The following IPCEF1 variants were observed in gnomAD, a reference collection of about 807,000 sequenced individuals.
IPCEF1 encodes the protein interaction protein for cytohesin exchange factors 1.
In IPCEF1, 31 loss-of-function variants were observed where a neutral mutation model predicts 50.9. That is an observed-to-expected ratio of 0.61 (90% CI 0.46 to 0.82). The LOEUF is 0.82. Among genes scored for constraint, IPCEF1 ranks in the 40% least tolerant of loss-of-function variants. The pLI is 0.00. For synonymous variants in IPCEF1, 181 were observed against 192.0 expected (o/e 0.94, Z 0.47); for missense variants, 458 against 514.0 (o/e 0.89, Z 1.05).
intron 2 of IPCEF1, among the ~76,000 whole-genome samples, chr6:154,278,379 G>A (rs751171942): frequency 1.9e-4 from 29 of 152,178 alleles, no homozygotes; most frequent in African/African-American, 6.5e-4. Flanking sequence ...AGAATGAGAC[G>A]CCAAGTAGAG....
At chr6:154,215,142 C>T (rs902863141) in intron 7 of IPCEF1, among the ~76,000 whole-genome samples, 8 of 152,128 alleles carry the variant, frequency 5.3e-5, no homozygotes, top group Non-Finnish European at 1.2e-4. Context: ...TGATGTCTTC[C>T]AGTCTCCCAT....
At chr6:154,220,621 AAC>A (rs1778789275) in intron 7 of IPCEF1, among the ~76,000 whole-genome samples, 1 of 152,148 alleles carries the variant, frequency 6.6e-6, no homozygotes, top group Admixed American at 6.5e-5. Flanking sequence ...CAGCCTGGGC[AAC>A]AGAACAAGAC....
intron 1 of IPCEF1, among the ~76,000 whole-genome samples, chr6:154,300,468 G>T (rs1366301964): frequency 6.6e-6 from 1 of 152,128 alleles, no homozygotes; most frequent in Non-Finnish European, 1.5e-5. Context: ...GTAAAAATTA[G>T]CCAGGCATGG....
intron 9 of IPCEF1, among the ~76,000 whole-genome samples, chr6:154,205,059 T>C (rs1777380125): frequency 6.6e-6 from 1 of 152,194 alleles, no homozygotes; most frequent in Non-Finnish European, 1.5e-5. Context: ...ATATCACTTC[T>C]TCCACAGGGT....
At chr6:154,233,130 A>C (rs555601001) in intron 5 of IPCEF1, among the ~76,000 whole-genome samples, 2 of 152,176 alleles carry the variant, frequency 1.3e-5, no homozygotes, top group East Asian at 3.9e-4. Flanking sequence ...CGCCACGCCC[A>C]GCTAATTTTT....
At chr6:154,175,240 C>T (rs1390279834) in intron 10 of IPCEF1, among the ~76,000 whole-genome samples, 1 of 152,036 alleles carries the variant, frequency 6.6e-6, no homozygotes, top group African/African-American at 2.4e-5. Flanking sequence ...AAAATTGACA[C>T]CCTAACATCA....
intron 10 of IPCEF1, among the ~76,000 whole-genome samples, chr6:154,191,842 G>A (rs1477395590): frequency 6.6e-6 from 1 of 152,074 alleles, no homozygotes; most frequent in Non-Finnish European, 1.5e-5. Flanking sequence ...GGAATGGAGG[G>A]GGTATATGTA....
At chr6:154,301,342 G>C (rs11758631) in intron 1 of IPCEF1, among the ~76,000 whole-genome samples, 6,576 of 152,234 alleles carry the variant, frequency 0.043, 159 homozygotes, top group Middle Eastern at 0.12. Context: ...AGAGGTTTGT[G>C]ATGTTCCCAA....
At chr6:154,285,225 TG>T (rs1782331823) in intron 2 of IPCEF1, among the ~76,000 whole-genome samples, 1 of 152,234 alleles carries the variant, frequency 6.6e-6, no homozygotes, top group Admixed American at 6.5e-5. Flanking sequence ...GGAAAGACAT[TG>T]GTATCTCTAC....
At chr6:154,256,370 G>A (rs1781461184) in intron 3 of IPCEF1, among the ~76,000 whole-genome samples, 1 of 152,140 alleles carries the variant, frequency 6.6e-6, no homozygotes, top group South Asian at 2.1e-4. Flanking sequence ...TTGGGGATTA[G>A]GGGTTCTATG....
intron 6 of IPCEF1, among the ~76,000 whole-genome samples, chr6:154,222,687 T>C (rs1778961420): frequency 6.6e-6 from 1 of 152,180 alleles, no homozygotes; most frequent in Non-Finnish European, 1.5e-5. Flanking sequence ...CTCAAATCTT[T>C]TGGATTTCAA....
At chr6:154,336,827 C>T (rs374903524) in intron 1 of IPCEF1, among the ~76,000 whole-genome samples, 24 of 152,262 alleles carry the variant, frequency 1.6e-4, no homozygotes, top group African/African-American at 5.5e-4. Context: ...TGGTCTTGAT[C>T]TCCTGGGCTC....
intron 1 of IPCEF1, among the ~76,000 whole-genome samples, chr6:154,308,407 T>A (rs57587915): frequency 0.071 from 10,744 of 152,278 alleles, 555 homozygotes; most frequent in African/African-American, 0.14. Flanking sequence ...GATTACAGGC[T>A]TGAGCCACCA....
chr6:154,346,908 T>A (rs1376531839), intron 1 of IPCEF1, among the ~76,000 whole-genome samples: 1 of 152,162 alleles, frequency 6.6e-6, no homozygotes, highest in Non-Finnish European at 1.5e-5. Flanking sequence ...TCCAAGCATA[T>A]CCTCTCAAAA....
chr6:154,259,491 A>G (rs1373130035), intron 3 of IPCEF1, among the ~76,000 whole-genome samples: 2 of 152,098 alleles, frequency 1.3e-5, no homozygotes, highest in African/African-American at 4.8e-5. Flanking sequence ...TGTCTCTACT[A>G]AAAATACAAA....
At chr6:154,223,891 A>C (rs992739929) in intron 5 of IPCEF1, among the ~76,000 whole-genome samples, 4 of 152,268 alleles carry the variant, frequency 2.6e-5, no homozygotes, top group Admixed American at 2.6e-4. Flanking sequence ...CTTTCTACAA[A>C]GAAAAGACTG....
At chr6:154,330,237 C>T (rs1783624828) in intron 1 of IPCEF1, among the ~76,000 whole-genome samples, 1 of 151,518 alleles carries the variant, frequency 6.6e-6, no homozygotes, top group African/African-American at 2.4e-5. Flanking sequence ...CAATTCAGTA[C>T]ACTCCCCTGA....
rs7763593 is a variant in IPCEF1, at chr6:154,201,642, C to A, written c.538-1602G>T. ...AGGCGCGGTGGCTCATGCCTGTAAT[C>A]CCAGCACTTTGGGAGGCCGAGGTGG... On this transcript the variant is annotated intron_variant, in intron 9 of 11. Transcript: ENST00000367220. 4.8e-3 allele frequency among the ~76,000 whole-genome samples: 734 copies of A among 152,308 alleles called. 2 individuals are homozygous for A. The highest frequency in any genetic ancestry group is 0.017 in the African/African-American group (695 of 41,562).
At chr6:154,179,314 T>C (rs1800634024) in intron 10 of IPCEF1, among the ~76,000 whole-genome samples, 1 of 152,236 alleles carries the variant, frequency 6.6e-6, no homozygotes, top group Non-Finnish European at 1.5e-5. Flanking sequence ...GGCTTTTCAG[T>C]AAAGCAGTAT....
Sources: gnomAD v4.1 joint callset for allele counts (sites outside exome capture counted in the v4.1 genomes callset) on GRCh38, gnomAD v4.1.1 for gene constraint, MANE v1.5 for transcripts, NCBI Gene and HGNC (gene_info 2026-07-23, HGNC 2026-07-21) for gene names.